Variants in ERC2 observed in about 807,000 individuals in gnomAD.
ERC2 encodes the protein ELKS/RAB6-interacting/CAST family member 2, also known as ERC protein 2.
In ERC2, 42 loss-of-function variants were observed where a neutral mutation model predicts 114.8. That is an observed-to-expected ratio of 0.37 (90% CI 0.29 to 0.47). ERC2 has a LOEUF of 0.47. Among genes scored for constraint, ERC2 ranks in the 20% least tolerant of loss-of-function variants. The probability of loss-of-function intolerance (pLI) is 0.99; values close to 1 mark genes in which losing one functional copy is unlikely to be tolerated. For synonymous variants in ERC2, 454 were observed against 425.5 expected (o/e 1.07, Z -0.82); for missense variants, 939 against 1,150.7 (o/e 0.82, Z 2.66).
At chr3:56,453,315 T>C (rs1356007961) in intron 1 of ERC2, among the ~76,000 whole-genome samples, 1 of 152,210 alleles carries the variant, frequency 6.6e-6, no homozygotes, top group Non-Finnish European at 1.5e-5. Flanking sequence ...ACCATGAAGA[T>C]AGGCTGTCCA....
intron 2 of ERC2, among the ~76,000 whole-genome samples, chr3:56,368,920 T>C (rs1377050276): frequency 6.6e-6 from 1 of 152,182 alleles, no homozygotes; most frequent in East Asian, 1.9e-4. Flanking sequence ...AGTCAATTCC[T>C]GGGTTCACAA....
intron 10 of ERC2, among the ~76,000 whole-genome samples, chr3:55,997,823 A>G (rs1280008231): frequency 6.7e-6 from 1 of 149,526 alleles, no homozygotes; most frequent in African/African-American, 2.4e-5. Context: ...CTGAGCCTAA[A>G]TAATACATTT....
chr3:55,831,160 TA>T (rs1213440945), intron 14 of ERC2, among the ~76,000 whole-genome samples: 1 of 147,982 alleles, frequency 6.8e-6, no homozygotes, highest in Non-Finnish European at 1.5e-5. Flanking sequence ...AAAAAAAATT[TA>T]ATTAGCCAGG....
chr3:55,654,055 C>T (rs979444400), intron 17 of ERC2, among the ~76,000 whole-genome samples: 20 of 152,226 alleles, frequency 1.3e-4, no homozygotes, highest in African/African-American at 4.8e-4. Flanking sequence ...AAACAGTTTG[C>T]ACTCCAGAAA....
At chr3:56,186,021 A>G (rs1476619144) in intron 3 of ERC2, among the ~76,000 whole-genome samples, 1 of 151,742 alleles carries the variant, frequency 6.6e-6, no homozygotes, top group Non-Finnish European at 1.5e-5. Context: ...CTGATGACCA[A>G]CAAGGAAATC....
chr3:56,457,265 C>T (rs116189802), intron 1 of ERC2, among the ~76,000 whole-genome samples: 1 of 152,180 alleles, frequency 6.6e-6, no homozygotes, highest in Non-Finnish European at 1.5e-5. Context: ...TCAAAACCAA[C>T]AAGTGATGTG....
intron 2 of ERC2, among the ~76,000 whole-genome samples, chr3:56,336,090 T>C (rs1026015486): frequency 2.0e-5 from 3 of 152,208 alleles, no homozygotes; most frequent in African/African-American, 7.2e-5. Flanking sequence ...GCAAAAGCCC[T>C]GAGGCAAAGA....
At position 55,672,694 on chromosome 3, in the gene ERC2, T is replaced by A. The variant is rs116664041; in HGVS notation, c.*39+11100A>T. On this transcript the variant is annotated intron_variant, in intron 17 of 17. Transcript: ENST00000288221. ...GAACTTTAAGGTGTTTTCCCTAAGA[T>A]GAGTGAACTAGGCAGAAAGCCACTG... is the stretch of plus-strand genomic sequence containing the variant. Among the ~76,000 whole-genome samples the A allele has an allele frequency of 1.3e-3, 200 of 152,248 alleles. 1 individual carries two copies. Among genetic ancestry groups the A allele is most frequent in the African/African-American group, 4.6e-3 (191 of 41,542 alleles).
intron 14 of ERC2, among the ~76,000 whole-genome samples, chr3:55,788,535 C>T (rs113994658): frequency 9.9e-5 from 15 of 152,272 alleles, no homozygotes; most frequent in African/African-American, 3.1e-4. Context: ...CAATTCTCAC[C>T]TGGATACACT....
intron 2 of ERC2, among the ~76,000 whole-genome samples, chr3:56,325,423 G>A (rs1340529715): frequency 6.6e-6 from 1 of 152,010 alleles, no homozygotes; most frequent in East Asian, 1.9e-4. Flanking sequence ...TCCAGCCTGG[G>A]CGACAGAGCG....
chr3:56,070,511 T>A, intron 7 of ERC2, among the ~76,000 whole-genome samples: 1 of 149,992 alleles, frequency 6.7e-6, no homozygotes, highest in South Asian at 2.1e-4. Flanking sequence ...GTATAGAATA[T>A]AAGGTCTTAA....
intron 6 of ERC2, among the ~76,000 whole-genome samples, chr3:56,084,093 C>T (rs1465399385): frequency 6.6e-6 from 1 of 151,596 alleles, no homozygotes; most frequent in Non-Finnish European, 1.5e-5. Flanking sequence ...ATACAAATAC[C>T]CAAAAAACAT....
At chr3:55,690,396 G>A (rs1215999240) in intron 16 of ERC2, among the ~76,000 whole-genome samples, 2 of 152,162 alleles carry the variant, frequency 1.3e-5, no homozygotes, top group Non-Finnish European at 2.9e-5. Flanking sequence ...ACATTTCAAG[G>A]TTGGCCACCC....
intron 17 of ERC2, among the ~76,000 whole-genome samples, chr3:55,572,448 T>C (rs6783998): frequency 0.35 from 53,749 of 152,144 alleles, 9,759 homozygotes; most frequent in South Asian, 0.45. Flanking sequence ...AAGAAGGAGC[T>C]GAAGCAATTC....
intron 7 of ERC2, among the ~76,000 whole-genome samples, chr3:56,049,046 G>T (rs964370612): frequency 3.3e-5 from 5 of 152,128 alleles, no homozygotes; most frequent in Non-Finnish European, 7.4e-5. Flanking sequence ...GTTCCAAATG[G>T]CCAAAGGGGG....
chr3:56,033,793 TTTTTTTC>T (rs896491176), intron 7 of ERC2, among the ~76,000 whole-genome samples: 4 of 152,162 alleles, frequency 2.6e-5, no homozygotes, highest in African/African-American at 9.7e-5. Flanking sequence ...AAGATTTCTT[TTTTTTTC>T]TTTTTTCTTT....
At chr3:55,766,273 G>GA (rs35962584) in intron 14 of ERC2, among the ~76,000 whole-genome samples, 8,222 of 95,112 alleles carry the variant, frequency 0.086, 692 homozygotes, top group African/African-American at 0.25. Flanking sequence ...CTCTCCACAA[G>GA]AAAAAAAAAA....
At chr3:56,247,224 G>A (rs1049171601) in intron 3 of ERC2, among the ~76,000 whole-genome samples, 3 of 152,066 alleles carry the variant, frequency 2.0e-5, no homozygotes, top group Admixed American at 1.3e-4. Flanking sequence ...TCAACTAAGC[G>A]GGGGGTGGGG....
intron 14 of ERC2, among the ~76,000 whole-genome samples, chr3:55,860,711 G>A (rs1014733544): frequency 7.9e-5 from 12 of 152,178 alleles, no homozygotes; most frequent in African/African-American, 2.9e-4. Context: ...AGTAGGAATT[G>A]CTGATCAAAT....
Sources: gnomAD v4.1 joint callset for allele counts (sites outside exome capture counted in the v4.1 genomes callset) on GRCh38, gnomAD v4.1.1 for gene constraint, MANE v1.5 for transcripts, NCBI Gene and HGNC (gene_info 2026-07-23, HGNC 2026-07-21) for gene names.